SLCO4C1: variants seen among roughly 807,000 people sequenced by gnomAD.
The protein encoded by SLCO4C1 is solute carrier organic anion transporter family member 4C1.
SLCO4C1 carries 58 observed loss-of-function variants against 72.1 expected under a neutral mutation model. The observed-to-expected ratio is 0.80, with a 90% confidence interval of 0.65 to 1.00. The LOEUF is 1.00. Among genes scored for constraint, SLCO4C1 ranks in the 50% least tolerant of loss-of-function variants. The pLI, the probability that SLCO4C1 is intolerant of heterozygous loss-of-function variation, is 0.00. For synonymous variants in SLCO4C1, 297 were observed against 312.5 expected (o/e 0.95, Z 0.52); for missense variants, 898 against 857.9 (o/e 1.05, Z -0.58).
chr5:102,257,591 A>T (rs79445786), intron 7 of SLCO4C1, among the ~76,000 whole-genome samples: 8,054 of 150,122 alleles, frequency 0.054, 684 homozygotes, highest in African/African-American at 0.18. Context: ...AAAATCAGAA[A>T]TTTTTACCAA....
rs923829834 is a variant in SLCO4C1, at chr5:102,241,959, A to T, written c.1812-1177T>A. Among the ~76,000 whole-genome samples the T allele has an allele frequency of 3.3e-5, 5 of 152,314 alleles. No individual in the cohort carries two copies. In the East Asian group the frequency reaches 7.7e-4, roughly 23 times the overall value. On this transcript the variant is annotated intron_variant, in intron 10 of 12. Coordinates refer to ENST00000310954, the MANE Select transcript of SLCO4C1 (RefSeq NM_180991.5). ...AGAGGCACTGAAGAGATTAAAAAAA[A>T]ACAGTCCTGAATCTCAGACACCACA...
intron 10 of SLCO4C1, among the ~76,000 whole-genome samples, chr5:102,246,605 T>A (rs1748640522): frequency 6.6e-6 from 1 of 151,878 alleles, no homozygotes; most frequent in African/African-American, 2.4e-5. Flanking sequence ...CATGTACCCC[T>A]GAGCTTAAAA....
At chr5:102,284,098 C>G (rs146180826) in intron 2 of SLCO4C1, among the ~76,000 whole-genome samples, 1 of 151,546 alleles carries the variant, frequency 6.6e-6, no homozygotes, top group Non-Finnish European at 1.5e-5. Flanking sequence ...CTAATTCGGT[C>G]GCCAGAAAAA....
intron 8 of SLCO4C1, among the ~76,000 whole-genome samples, chr5:102,253,979 TACA>T (rs1180228093): frequency 2.6e-5 from 4 of 152,010 alleles, no homozygotes; most frequent in Non-Finnish European, 5.9e-5. Context: ...CCCCTGATCT[TACA>T]TTTTTTGGAA....
rs1480720862 is a variant in SLCO4C1, at chr5:102,263,692, C to A, written c.891G>T (p.Met297Ile). ...QLLTIYIDVAMGESTDVTEDD... is the reference protein window; with the variant it reads ...QLLTIYIDVAIGESTDVTEDD... ...AATAGATACTGCCTTGCCTTTCTCC[C>A]ATAGCAACATCAATGTATATGGTTA... The change falls in exon 4 of 13, where the codon ATG becomes ATT. Residue 297 changes from methionine (M) to isoleucine (I), a missense_variant. Transcript: ENST00000310954. 1 of 1,611,372 alleles carries A rather than the reference C, an allele frequency of 6.2e-7. No individual in the cohort carries two copies. Among genetic ancestry groups the A allele is most frequent in the Admixed American group, 1.7e-5 (1 of 59,698 alleles).
chr5:102,286,039 C>T (rs1357458256), intron 2 of SLCO4C1, among the ~76,000 whole-genome samples: 3 of 151,856 alleles, frequency 2.0e-5, no homozygotes, highest in African/African-American at 4.8e-5. Context: ...AAGTAAAGTC[C>T]ACTTTGAGTC....
rs141181450 is a variant in SLCO4C1 at position 102,292,031 on chromosome 5, G to T, written c.356-425C>A. 8.1e-3 allele frequency among the ~76,000 whole-genome samples: 1,227 copies of T among 152,076 alleles called. 12 individuals carry two copies. Among genetic ancestry groups the T allele is most frequent in the Non-Finnish European group, 0.015 (997 of 67,976 alleles). ...GTAGAGATGGGGTTTCACCATGTTG[G>T]CCAGGCTGGTCTTGAAATCCTGACC... On this transcript the variant is annotated intron_variant, in intron 1 of 12. Transcript: ENST00000310954.
chr5:102,257,278 G>C lies in SLCO4C1; in HGVS notation c.1306C>G (p.Gln436Glu). The stretch of plus-strand genomic sequence containing the variant: ...GAAACAAGGAAGCCACCTAAAATTT[G>C]ACCGAGAGCAGCTCCAGGAATTAAA... ...AVLIPGAALG[Q>E]ILGGFLVSKF... Residue 436 changes from glutamine to glutamate, a missense_variant, in exon 8 of 13, where the codon CAA becomes GAA. Transcript: ENST00000310954. The C allele has an allele frequency of 6.2e-7, 1 of 1,601,176 alleles. No individual in the cohort carries two copies. The highest frequency in any genetic ancestry group is 8.5e-7 in the Non-Finnish European group (1 of 1,175,374).
At chr5:102,240,576 A>G (rs755881018) in intron 11 of SLCO4C1, 142 bp downstream of exon 11, 8 of 655,832 alleles carry the variant, frequency 1.2e-5, no homozygotes, top group Admixed American at 5.5e-5. Context: ...TATCTGAAAC[A>G]TTGGAAAATG....
chr5:102,271,701 TGA>T (rs1304603473), intron 2 of SLCO4C1, among the ~76,000 whole-genome samples: 1 of 152,140 alleles, frequency 6.6e-6, no homozygotes, highest in Non-Finnish European at 1.5e-5. Context: ...TTTTTTTCTG[TGA>T]ACTAATTTTT....
chr5:102,239,063 C>T (rs965524085), intron 12 of SLCO4C1, among the ~76,000 whole-genome samples, 188 bp downstream of exon 12: 2 of 152,160 alleles, frequency 1.3e-5, no homozygotes, highest in African/African-American at 4.8e-5. Flanking sequence ...GCCTTGCAAA[C>T]TCCATCTGTT....
chr5:102,280,445 A>T (rs1053080213), intron 2 of SLCO4C1, among the ~76,000 whole-genome samples: 2 of 144,740 alleles, frequency 1.4e-5, no homozygotes, highest in African/African-American at 5.8e-5. Flanking sequence ...AATACTGATG[A>T]AAAAAATTAA....
intron 2 of SLCO4C1, among the ~76,000 whole-genome samples, chr5:102,287,832 G>A (rs1051229133): frequency 1.3e-5 from 2 of 152,064 alleles, no homozygotes; most frequent in African/African-American, 4.8e-5. Flanking sequence ...GGGATTACAG[G>A]CATGAGTCAT....
chr5:102,259,118 G>A (rs2112358001), intron 6 of SLCO4C1, among the ~76,000 whole-genome samples: 1 of 151,974 alleles, frequency 6.6e-6, no homozygotes, highest in East Asian at 1.9e-4. Flanking sequence ...AATATCCACA[G>A]ACTACTGGGA....
chr5:102,240,577 T>C (rs935678472), intron 11 of SLCO4C1, 141 bp downstream of exon 11: 7 of 656,938 alleles, frequency 1.1e-5, no homozygotes, highest in African/African-American at 3.7e-5. Flanking sequence ...ATCTGAAACA[T>C]TGGAAAATGG....
chr5:102,296,280 C>A lies in SLCO4C1; in HGVS notation c.-18G>T. The stretch of plus-strand genomic sequence containing the variant: ...CTCTTCATGTCTGGATGGGTTCTCC[C>A]GACTCCGGTGCTTCAGAGCAGCAGA... On this transcript the variant is annotated 5_prime_UTR_variant, in exon 1 of 13. Transcript: ENST00000310954. The A allele has an allele frequency of 6.6e-7, 1 of 1,506,944 alleles. No homozygotes were observed. The highest frequency in any genetic ancestry group is 8.9e-7 in the Non-Finnish European group (1 of 1,125,728). The allele number at this position is 1,506,944 out of a possible 1,614,324, so 93.3% of individuals were successfully genotyped here.
At chr5:102,249,965 A>G (rs1246184506) in intron 8 of SLCO4C1, among the ~76,000 whole-genome samples, 177 bp from the exon 9 acceptor site, 1 of 152,228 alleles carries the variant, frequency 6.6e-6, no homozygotes, top group East Asian at 1.9e-4. Flanking sequence ...GGAGAGAGGC[A>G]ATAAAAACAA....
rs771210329 is a variant in SLCO4C1, at chr5:102,239,205, T to G, written c.2014+46A>C. 1.4e-5 allele frequency: 20 copies of G among 1,480,390 alleles called. No homozygotes were observed. In the African/African-American group the frequency reaches 2.6e-4, roughly 19 times the overall value. The allele number at this position is 1,480,390 out of a possible 1,614,324, so 91.7% of individuals were successfully genotyped here. Reference sequence around the variant, plus strand: ...AACCAACAATGAGATTTTTTTTTTTTTACATCCTTAGTTTACTCTAAAATT... The same window carrying G: ...AACCAACAATGAGATTTTTTTTTTTGTACATCCTTAGTTTACTCTAAAATT... On this transcript the variant is annotated intron_variant, in intron 12 of 12. Transcript: ENST00000310954.
chr5:102,262,488 T>C (rs1748960919), intron 4 of SLCO4C1, among the ~76,000 whole-genome samples: 1 of 152,182 alleles, frequency 6.6e-6, no homozygotes, highest in Non-Finnish European at 1.5e-5. Flanking sequence ...TATTTATTTC[T>C]TTGAAACAGG....
Sources: gnomAD v4.1 joint callset for allele counts (sites outside exome capture counted in the v4.1 genomes callset) on GRCh38, gnomAD v4.1.1 for gene constraint, MANE v1.5 for transcripts, NCBI Gene and HGNC (gene_info 2026-07-23, HGNC 2026-07-21) for gene names.